Variants in KLF12 observed in about 807,000 individuals in gnomAD.
The protein encoded by KLF12 is KLF transcription factor 12, also known as Krueppel-like factor 12.
A neutral mutation model predicts 37.8 loss-of-function variants in KLF12; 9 were observed. The ratio of observed to expected loss-of-function variants is 0.24; its 90% CI spans 0.14 to 0.42. The LOEUF (loss-of-function observed/expected upper bound fraction) is 0.42. KLF12 is among the 10% of genes least tolerant of loss of function. The probability of loss-of-function intolerance (pLI) is 1.00; values close to 1 mark genes in which losing one functional copy is unlikely to be tolerated. For missense variants in KLF12, 411 were observed against 516.0 expected, an observed-to-expected ratio of 0.80 and a Z score of 1.97; for synonymous variants, 208 against 202.1, an observed-to-expected ratio of 1.03 and a Z score of -0.25.
At chr13:74,084,557 A>G (rs1417928525) in intron 1 of KLF12, among the ~76,000 whole-genome samples, 2 of 152,238 alleles carry the variant, frequency 1.3e-5, no homozygotes, top group African/African-American at 4.8e-5. Flanking sequence ...TGTATTGAGT[A>G]GTTTGTGGGA....
intron 1 of KLF12, among the ~76,000 whole-genome samples, chr13:74,046,862 C>T (rs1343377806): frequency 6.6e-6 from 1 of 152,034 alleles, no homozygotes; most frequent in Non-Finnish European, 1.5e-5. Flanking sequence ...CCTTACTATA[C>T]CATATAAGAC....
intron 3 of KLF12, among the ~76,000 whole-genome samples, chr13:73,915,078 C>T (rs1888752159): frequency 6.6e-6 from 1 of 152,106 alleles, no homozygotes; most frequent in African/African-American, 2.4e-5. Flanking sequence ...GGTGAAAATC[C>T]ATTCTTAGCC....
rs1262487531 is a variant in KLF12, at chr13:73,695,516, G to A, written c.1183C>T (p.His395Tyr). 1 of 1,613,972 alleles carries A rather than the reference G, an allele frequency of 6.2e-7. No individual in the cohort carries two copies. The highest frequency in any genetic ancestry group is 8.5e-7 in the Non-Finnish European group (1 of 1,179,950). ...CACACCAACATATGCCTCCGGCGGT[G>A]CAGGGCCAAATGATCTGACCGGGAA... The change falls in exon 8 of 8, where the codon CAC becomes TAC. Residue 395 changes from histidine (H) to tyrosine (Y), a missense_variant. Transcript: ENST00000377669.
intron 1 of KLF12, among the ~76,000 whole-genome samples, chr13:74,015,207 A>G (rs376025621): frequency 2.2e-4 from 33 of 152,284 alleles, no homozygotes; most frequent in African/African-American, 7.9e-4. Flanking sequence ...TCCATGTCTA[A>G]TTTATTGCTA....
At chr13:73,972,253 C>A (rs1430455745) in intron 2 of KLF12, among the ~76,000 whole-genome samples, 1 of 152,100 alleles carries the variant, frequency 6.6e-6, no homozygotes, top group Non-Finnish European at 1.5e-5. Context: ...GAAACACTGA[C>A]AATAACAAAC....
At chr13:74,146,247 C>T in the KLF12 span, among the ~76,000 whole-genome samples, 1 of 152,204 alleles carries the variant, frequency 6.6e-6, no homozygotes, top group African/African-American at 2.4e-5. Flanking sequence ...TACAGACTTT[C>T]CTGCCGCTCT....
At chr13:74,058,915 AC>A (rs1873416252) in intron 1 of KLF12, among the ~76,000 whole-genome samples, 1 of 152,104 alleles carries the variant, frequency 6.6e-6, no homozygotes, top group Non-Finnish European at 1.5e-5. Context: ...TGATCATTGT[AC>A]CCAAAAGGTA....
intron 3 of KLF12, among the ~76,000 whole-genome samples, chr13:73,872,762 T>C (rs1157621696): frequency 6.6e-6 from 1 of 152,180 alleles, no homozygotes; most frequent in African/African-American, 2.4e-5. Flanking sequence ...TAAGACAGGC[T>C]CATACGTGTT....
the KLF12 span, among the ~76,000 whole-genome samples, chr13:74,179,424 C>G: frequency 6.6e-6 from 1 of 152,126 alleles, no homozygotes; most frequent in African/African-American, 2.4e-5. Flanking sequence ...TATATTACTG[C>G]CTTTTTGAAT....
rs1026512697 is a variant in KLF12, at chr13:73,791,534, T to C, written c.806+21618A>G. 5.3e-5 allele frequency among the ~76,000 whole-genome samples: 8 copies of C among 152,312 alleles called. No homozygotes were observed. The East Asian group carries it at 1.3e-3, about 26-fold the overall frequency. On this transcript the variant is annotated intron_variant, in intron 5 of 7. Transcript: ENST00000377669. ...CTTAGAAATGTGACTTTTAGGCATG[T>C]GTGAATGGCAGTAGGATCCAGTCTC...
intron 3 of KLF12, among the ~76,000 whole-genome samples, chr13:73,868,632 T>C (rs1365706346): frequency 3.3e-5 from 5 of 152,026 alleles, no homozygotes; most frequent in Non-Finnish European, 7.4e-5. Context: ...ACCTCATGAT[T>C]TGCCCACCTT....
intron 6 of KLF12, among the ~76,000 whole-genome samples, chr13:73,720,881 A>G (rs1876189669): frequency 6.6e-6 from 1 of 152,208 alleles, no homozygotes. Flanking sequence ...TTTTTACAGG[A>G]GTTAAAAAAA....
At chr13:73,968,791 A>G (rs1891244219) in intron 2 of KLF12, among the ~76,000 whole-genome samples, 1 of 152,136 alleles carries the variant, frequency 6.6e-6, no homozygotes, top group Admixed American at 6.6e-5. Context: ...TCAGGAACTT[A>G]AAAAACCACA....
At chr13:73,711,886 A>G (rs1049977390) in intron 7 of KLF12, among the ~76,000 whole-genome samples, 4 of 152,222 alleles carry the variant, frequency 2.6e-5, no homozygotes, top group African/African-American at 9.6e-5. Flanking sequence ...TCACCATTCT[A>G]GATGCCATTA....
chr13:73,798,113 T>C (rs1882093766), intron 5 of KLF12, among the ~76,000 whole-genome samples: 1 of 152,134 alleles, frequency 6.6e-6, no homozygotes, highest in African/African-American at 2.4e-5. Context: ...AAACAACCAA[T>C]GCTACATCTC....
At chr13:73,941,220 C>T (rs1419796713) in intron 3 of KLF12, among the ~76,000 whole-genome samples, 2 of 152,138 alleles carry the variant, frequency 1.3e-5, no homozygotes, top group Non-Finnish European at 2.9e-5. Context: ...AAGTTTCTAT[C>T]GCTTTTTGTT....
At chr13:73,836,144 A>C (rs1884421922) in intron 4 of KLF12, among the ~76,000 whole-genome samples, 1 of 152,184 alleles carries the variant, frequency 6.6e-6, no homozygotes, top group African/African-American at 2.4e-5. Flanking sequence ...GAAAGAATTG[A>C]GTATGTGATT....
intron 7 of KLF12, among the ~76,000 whole-genome samples, chr13:73,703,320 T>A (rs1874693284): frequency 6.6e-6 from 1 of 152,170 alleles, no homozygotes; most frequent in Non-Finnish European, 1.5e-5. Flanking sequence ...TGCTATTTTT[T>A]CAGCAATTAA....
At chr13:74,123,485 GA>G (rs1877758520) in intron 1 of KLF12, among the ~76,000 whole-genome samples, 4 of 152,142 alleles carry the variant, frequency 2.6e-5, no homozygotes, top group Admixed American at 2.6e-4. Context: ...TACATTGTAG[GA>G]CAAAGCCCAT....
Sources: gnomAD v4.1 joint callset for allele counts (sites outside exome capture counted in the v4.1 genomes callset) on GRCh38, gnomAD v4.1.1 for gene constraint, MANE v1.5 for transcripts, NCBI Gene and HGNC (gene_info 2026-07-23, HGNC 2026-07-21) for gene names.